Variants in PTPRQ observed in about 807,000 individuals in gnomAD.
PTPRQ encodes the protein phosphatidylinositol phosphatase PTPRQ.
PTPRQ carries 199 observed loss-of-function variants against 246.0 expected under a neutral mutation model. The observed-to-expected ratio is 0.81, with a 90% CI of 0.72 to 0.91. PTPRQ has a LOEUF of 0.91. PTPRQ is among the 40% of genes least tolerant of loss of function. The probability of loss-of-function intolerance (pLI) is 0.00; values close to 1 mark genes in which losing one functional copy is unlikely to be tolerated. For missense variants in PTPRQ, 2,624 were observed against 2,528.4 expected (o/e 1.04, Z -0.81); for synonymous variants, 869 against 853.2 (o/e 1.02, Z -0.32).
intron 3 of PTPRQ, among the ~76,000 whole-genome samples, chr12:80,450,623 C>T (rs1184746039): frequency 6.6e-6 from 1 of 152,042 alleles, no homozygotes; most frequent in Non-Finnish European, 1.5e-5. Context: ...TTTTCTGCAT[C>T]TATTGAGATA....
intron 25 of PTPRQ, among the ~76,000 whole-genome samples, chr12:80,567,690 T>C (rs1413550550): frequency 2.0e-5 from 3 of 152,236 alleles, no homozygotes; most frequent in Non-Finnish European, 4.4e-5. Flanking sequence ...TTAGTGTGTC[T>C]GTTTTCTTTT....
At chr12:80,514,487 T>G (rs116555829) in intron 17 of PTPRQ, among the ~76,000 whole-genome samples, 1,726 of 146,940 alleles carry the variant, frequency 0.012, 37 homozygotes, top group African/African-American at 0.041. Context: ...TAATTGAAAC[T>G]TAATATTTGT....
chr12:80,493,591 G>C (rs1730834663), intron 10 of PTPRQ, 136 bp downstream of exon 10: 3 of 1,285,350 alleles, frequency 2.3e-6, no homozygotes, highest in African/African-American at 3.0e-5. Flanking sequence ...TTTAGCTGTC[G>C]GAAAACCTCA....
chr12:80,566,559 G>A (rs1001086923), intron 25 of PTPRQ, among the ~76,000 whole-genome samples: 29 of 151,972 alleles, frequency 1.9e-4, no homozygotes, highest in African/African-American at 7.0e-4. Context: ...ATTTTTTTGA[G>A]ACAGGATCTC....
At chr12:80,587,446 A>G (rs1000128631) in intron 25 of PTPRQ, among the ~76,000 whole-genome samples, 3 of 152,136 alleles carry the variant, frequency 2.0e-5, no homozygotes, top group Non-Finnish European at 4.4e-5. Context: ...TTGCCCAATA[A>G]ACTGTCTCTT....
intron 28 of PTPRQ, among the ~76,000 whole-genome samples, chr12:80,611,783 CATCCTA>C (rs1898561342): frequency 6.6e-6 from 1 of 150,390 alleles, no homozygotes; most frequent in Non-Finnish European, 1.5e-5. Context: ...CTTAAAATCA[CATCCTA>C]AATTTAGAGA....
At chr12:80,560,681 A>G (rs1487340881) in intron 25 of PTPRQ, among the ~76,000 whole-genome samples, 3 of 152,224 alleles carry the variant, frequency 2.0e-5, no homozygotes, top group Non-Finnish European at 4.4e-5. Flanking sequence ...TACACATAAC[A>G]TCTTTTACGG....
intron 27 of PTPRQ, among the ~76,000 whole-genome samples, chr12:80,610,073 G>C (rs1440554909): frequency 6.7e-6 from 1 of 150,320 alleles, no homozygotes; most frequent in Non-Finnish European, 1.5e-5. Flanking sequence ...AGCTATAAGT[G>C]GCCAATTTGG....
At chr12:80,643,659 A>G (rs1324995958) in intron 35 of PTPRQ, among the ~76,000 whole-genome samples, 1 of 152,084 alleles carries the variant, frequency 6.6e-6, no homozygotes, top group Non-Finnish European at 1.5e-5. Context: ...CAAAATAAAG[A>G]AAACTAATAG....
At chr12:80,529,726 C>T (rs1244074299) in intron 17 of PTPRQ, among the ~76,000 whole-genome samples, 3 of 151,738 alleles carry the variant, frequency 2.0e-5, no homozygotes, top group Non-Finnish European at 4.4e-5. Flanking sequence ...ACTATTTATC[C>T]CAATTGAAGA....
At chr12:80,496,824 A>G (rs556459818) in intron 14 of PTPRQ, among the ~76,000 whole-genome samples, 21 of 152,180 alleles carry the variant, frequency 1.4e-4, no homozygotes, top group African/African-American at 4.3e-4. Flanking sequence ...TTTAGATTGA[A>G]TGGCTACTTG....
chr12:80,610,550 T>C lies in PTPRQ; in HGVS notation c.4843T>C (p.Phe1615Leu). The C allele has an allele frequency of 6.5e-7, 1 of 1,543,676 alleles. No individual in the cohort carries two copies. The highest frequency in any genetic ancestry group is 8.8e-7 in the Non-Finnish European group (1 of 1,141,460). The change falls in exon 28 of 45, where the codon TTT (phenylalanine) becomes CTT (leucine). Residue 1615 changes from phenylalanine to leucine, a missense_variant. Phe to Leu is a conservative substitution (Grantham distance 22, BLOSUM62 0). Transcript: ENST00000644991. ...FTRYSVVITA[F>L]TGNISAAYVE... is the part of the protein sequence containing the mutation. Reference sequence around the variant, plus strand: ...AAGGTATTCTGTAGTGATCACTGCATTTACTGGGAACATTAGTGCTGCATA... The same window carrying C: ...AAGGTATTCTGTAGTGATCACTGCACTTACTGGGAACATTAGTGCTGCATA...
At chr12:80,623,192 T>C (rs1447015033) in intron 33 of PTPRQ, among the ~76,000 whole-genome samples, 1 of 152,120 alleles carries the variant, frequency 6.6e-6, no homozygotes, top group Non-Finnish European at 1.5e-5. Flanking sequence ...TGTCCCACCA[T>C]TTTTAGCCAG....
intron 28 of PTPRQ, among the ~76,000 whole-genome samples, chr12:80,612,737 T>C (rs1326521113): frequency 1.3e-5 from 2 of 150,452 alleles, no homozygotes; most frequent in Non-Finnish European, 3.0e-5. Context: ...GTCACCAAGA[T>C]TGATTGCAGT....
In PTPRQ at chr12:80,506,534, G is replaced by C. The variant is rs576876628; in HGVS notation, c.2456-35G>C. ...CTTGCATATTATTAAATGATATTTT[G>C]TAAGTTTCAACTTACCTATTTGATT... On this transcript the variant is annotated intron_variant, in intron 15 of 44. Transcript: ENST00000644991. 5.6e-6 allele frequency: 8 copies of C among 1,421,636 alleles called. No homozygotes were observed. The Admixed American group carries it at 1.9e-4, about 34-fold the overall frequency. The allele number at this position is 1,421,636 out of a possible 1,614,324, so 88.1% of individuals were successfully genotyped here. A position where few individuals can be genotyped will look rare whatever the true frequency, so the allele number is the denominator to read the frequency against.
chr12:80,654,815 G>A (rs894755533), intron 38 of PTPRQ, among the ~76,000 whole-genome samples: 3 of 151,820 alleles, frequency 2.0e-5, no homozygotes, highest in Admixed American at 6.6e-5. Context: ...AGCCGAGATC[G>A]CACCATTGCA....
chr12:80,671,237 A>G (rs1352482634), intron 42 of PTPRQ, among the ~76,000 whole-genome samples: 1 of 152,108 alleles, frequency 6.6e-6, no homozygotes, highest in African/African-American at 2.4e-5. Flanking sequence ...TTATATTTAT[A>G]AAACATGTAG....
rs148275951 is a variant in PTPRQ at position 80,457,473 on chromosome 12, T to C, written c.391-102T>C. Reference sequence around the variant, plus strand: ...CTTGAGAGTATTAAAAAAGTATCTTTGGCATTTATCTTATGGATAAGTCAA... The same window carrying C: ...CTTGAGAGTATTAAAAAAGTATCTTCGGCATTTATCTTATGGATAAGTCAA... On this transcript the variant is annotated intron_variant, in intron 3 of 44. Transcript: ENST00000644991. The C allele has an allele frequency of 2.2e-3, 873 of 398,808 alleles. 20 individuals carry two copies. In the Admixed American group the frequency reaches 0.034, roughly 15 times the overall value. 24.7% of individuals were successfully genotyped at this position (398,808 alleles called of 1,614,324 possible). A position where few individuals can be genotyped will look rare whatever the true frequency, so the allele number is the denominator to read the frequency against.
At chr12:80,540,011 A>G (rs1896105793) in intron 20 of PTPRQ, 67 bp downstream of exon 20, 8 of 1,287,838 alleles carry the variant, frequency 6.2e-6, no homozygotes, top group Non-Finnish European at 6.1e-6. Flanking sequence ...AGGAAATTTT[A>G]CTATTTGTTT....
Sources: gnomAD v4.1 joint callset for allele counts (sites outside exome capture counted in the v4.1 genomes callset) on GRCh38, gnomAD v4.1.1 for gene constraint, MANE v1.5 for transcripts, NCBI Gene and HGNC (gene_info 2026-07-23, HGNC 2026-07-21) for gene names.